SPTBN5: variants seen among roughly 807,000 people sequenced by gnomAD.
SPTBN5 encodes the protein spectrin beta, non-erythrocytic 5.
A neutral mutation model predicts 477.6 loss-of-function variants in SPTBN5; 513 were observed. That is an observed-to-expected ratio of 1.07 (90% CI 1.00 to 1.16). SPTBN5 has a LOEUF of 1.16. SPTBN5 is among the 50% of genes most tolerant of loss of function. The pLI, the probability that SPTBN5 is intolerant of heterozygous loss-of-function variation, is 0.00. For synonymous variants in SPTBN5, 2,169 were observed against 2,011.7 expected, an observed-to-expected ratio of 1.08 and a Z score of -2.09; for missense variants, 5,062 against 4,731.8, an observed-to-expected ratio of 1.07 and a Z score of -2.05.
At chr15:41,859,834 G>A (rs865942964) in intron 47 of SPTBN5, among the ~76,000 whole-genome samples, 7 of 152,210 alleles carry the variant, frequency 4.6e-5, no homozygotes, top group Non-Finnish European at 8.8e-5. Flanking sequence ...GGGGGTGGCC[G>A]CGACCACTGC....
Position 41,866,089 on chromosome 15 carries a change from G to A in SPTBN5, c.6771C>T (p.Phe2257=). The change falls in exon 38 of 68, where the codon TTC becomes TTT. Residue 2257 remains phenylalanine (F), a synonymous_variant. Transcript: ENST00000320955. ...RGQELEDRRN[F]LEFLQRVDLA... is the part of the protein sequence containing the mutation. Reference sequence around the variant, plus strand: ...GGTCCACTCTCTGCAGGAACTCCAGGAAGTTCCGCCTGTCCTCCAGCTCCT... The same window carrying A: ...GGTCCACTCTCTGCAGGAACTCCAGAAAGTTCCGCCTGTCCTCCAGCTCCT... The A allele has an allele frequency of 1.9e-6, 3 of 1,557,236 alleles. No individual in the cohort carries two copies. The highest frequency in any genetic ancestry group is 1.2e-5 in the South Asian group (1 of 84,414).
Position 41,876,852 on chromosome 15 carries a change from G to A in SPTBN5, c.3808C>T (p.His1270Tyr). ...LGPRAEALRAHGEKLVQSQHP... is the reference protein window; with the variant it reads ...LGPRAEALRAYGEKLVQSQHP... ...TGGCTCTGAACCAGCTTCTCGCCGT[G>A]TGCCCGCAGAGCCTCTGCCCGAGGC... Residue 1270 changes from histidine to tyrosine, a missense_variant, in exon 19 of 68, where the codon CAC (histidine) becomes TAC (tyrosine). Transcript: ENST00000320955. The A allele has an allele frequency of 6.2e-7, 1 of 1,610,524 alleles. No homozygotes were observed. The highest frequency in any genetic ancestry group is 2.2e-5 in the East Asian group (1 of 44,874).
chr15:41,886,437 C>T, intron 6 of SPTBN5, 71 bp from the exon 7 acceptor site: 12 of 1,471,938 alleles, frequency 8.2e-6, no homozygotes, highest in Non-Finnish European at 1.1e-5. Context: ...TGAGTGCCAG[C>T]CAGAGTTCCC....
rs1392472020 is a variant in SPTBN5, at chr15:41,857,662, G to A, written c.8275C>T (p.Gln2759Ter). ...QGGHPASEAI[Q>*]ERLEELGALW... ...GCTCCCAGCTCCTCCAGTCGCTCCTGGATGGCCTCCGAGGCTGGGTGGCCC... is the reference window on the plus strand; with the variant it reads ...GCTCCCAGCTCCTCCAGTCGCTCCTAGATGGCCTCCGAGGCTGGGTGGCCC... Residue 2759 changes from glutamine to a stop codon, truncating the protein, a stop_gained, in exon 50 of 68, where the codon CAG (glutamine) becomes TAG (stop). Coordinates refer to ENST00000320955, the MANE Select transcript of SPTBN5 (RefSeq NM_016642.4). LOFTEE classifies it high-confidence loss of function. 2 of 1,591,092 alleles carry A rather than the reference G, an allele frequency of 1.3e-6. No individual in the cohort carries two copies. Among genetic ancestry groups the A allele is most frequent in the Non-Finnish European group, 1.7e-6 (2 of 1,169,158 alleles).
At position 41,849,054 on chromosome 15, in the gene SPTBN5, C is replaced by T. The variant is rs976017519; in HGVS notation, c.11013-426G>A. Among the ~76,000 whole-genome samples, 6 of 152,212 alleles carry T rather than the reference C, an allele frequency of 3.9e-5. No homozygotes were observed. In the East Asian group the frequency reaches 7.7e-4, roughly 20 times the overall value. On this transcript the variant is annotated intron_variant, in intron 67 of 67. Transcript: ENST00000320955. ...GGCTGCCACCCCTCATGGTATGAGCCCTCCAGGCACACGGCTGTATATGCG... is the reference window on the plus strand; with the variant it reads ...GGCTGCCACCCCTCATGGTATGAGCTCTCCAGGCACACGGCTGTATATGCG...
At chr15:41,860,913 G>A (rs2066083693) in intron 46 of SPTBN5, among the ~76,000 whole-genome samples, 155 bp from the exon 47 acceptor site, 2 of 152,256 alleles carry the variant, frequency 1.3e-5, no homozygotes. Context: ...GCTGTTTCCA[G>A]CTTTAGGACA....
chr15:41,851,582 G>GGCGGC (rs1449514409), intron 63 of SPTBN5, among the ~76,000 whole-genome samples, 197 bp downstream of exon 63: 9 of 9,810 alleles, frequency 9.2e-4, no homozygotes, highest in South Asian at 5.4e-3. Flanking sequence ...AGCACCTCCT[G>GGCGGC]GTGGGGGTGG....
chr15:41,872,118 C>A (rs1466063200), intron 27 of SPTBN5, among the ~76,000 whole-genome samples, 184 bp downstream of exon 27: 2 of 152,230 alleles, frequency 1.3e-5, no homozygotes, highest in East Asian at 1.9e-4. Context: ...AGATGGACTG[C>A]AGGGAGTTGT....
rs1422781391 is a variant in SPTBN5, at chr15:41,882,290, C to T, written c.2226G>A (p.Gln742=). 7.6e-7 allele frequency: 1 copy of T among 1,311,316 alleles called. No homozygotes were observed. The highest frequency in any genetic ancestry group is 4.9e-5 in the East Asian group (1 of 20,254). 81.2% of individuals were successfully genotyped at this position (1,311,316 alleles called of 1,614,324 possible). ...TRVVGRGARL[Q]TALLVLQYFA... is the part of the protein sequence containing the mutation. ...CTACCTGCAGGACCAGCAGGGCTGTCTGCAGCCGTGCGCCCCGCCCCACCA... is the reference window on the plus strand; with the variant it reads ...CTACCTGCAGGACCAGCAGGGCTGTTTGCAGCCGTGCGCCCCGCCCCACCA... The change falls in exon 11 of 68, where the codon CAG becomes CAA. Residue 742 remains glutamine, a synonymous_variant. Coordinates refer to ENST00000320955, the MANE Select transcript of SPTBN5 (RefSeq NM_016642.4).
At chr15:41,871,971 C>G in intron 27 of SPTBN5, 54 bp from the exon 28 acceptor site, 1 of 1,464,954 alleles carries the variant, frequency 6.8e-7, no homozygotes, top group South Asian at 1.4e-5. Context: ...CCCCTGGGGG[C>G]CAGTCGGGCC....
At position 41,857,733 on chromosome 15, in the gene SPTBN5, A is replaced by G. The variant is rs370335333; in HGVS notation, c.8227-23T>C. ...CTCCTGCAGCCACAACATGAAACACACCTTGTGGACTCAGGACTGCTGGTA... is the reference window on the plus strand; with the variant it reads ...CTCCTGCAGCCACAACATGAAACACGCCTTGTGGACTCAGGACTGCTGGTA... On this transcript the variant is annotated intron_variant, in intron 49 of 67. Coordinates refer to ENST00000320955, the MANE Select transcript of SPTBN5 (RefSeq NM_016642.4). 113 of 1,547,148 alleles carry G rather than the reference A, an allele frequency of 7.3e-5. No individual in the cohort carries two copies. In the African/African-American group the frequency reaches 1.3e-3, roughly 18 times the overall value.
Position 41,870,129 on chromosome 15 carries a change from G to A in SPTBN5, c.5674-109C>T, listed in dbSNP as rs890593769. Reference sequence around the variant, plus strand: ...GCCCCCTTGGGCCACGTCCTGCCATGCACAGGAGGCCCATGGGAGGCCCTG... The same window carrying A: ...GCCCCCTTGGGCCACGTCCTGCCATACACAGGAGGCCCATGGGAGGCCCTG... On this transcript the variant is annotated intron_variant, in intron 31 of 67. Coordinates refer to ENST00000320955, the MANE Select transcript of SPTBN5 (RefSeq NM_016642.4). The A allele has an allele frequency of 1.1e-5, 16 of 1,451,272 alleles. No individual in the cohort carries two copies. In the Admixed American group the frequency reaches 3.8e-4, roughly 35 times the overall value. 89.9% of individuals were successfully genotyped at this position (1,451,272 alleles called of 1,614,324 possible). A position where few individuals can be genotyped will look rare whatever the true frequency, so the allele number is the denominator to read the frequency against.
chr15:41,881,441 A>AT (rs1256383844), intron 12 of SPTBN5, among the ~76,000 whole-genome samples: 1 of 152,132 alleles, frequency 6.6e-6, no homozygotes, highest in Non-Finnish European at 1.5e-5. Context: ...GATGGCTTTG[A>AT]TTTCCACATC....
Position 41,876,910 on chromosome 15 carries a change from G to C in SPTBN5, c.3750C>G (p.His1250Gln). The C allele has an allele frequency of 6.2e-7, 1 of 1,610,254 alleles. No homozygotes were observed. The highest frequency in any genetic ancestry group is 8.5e-7 in the Non-Finnish European group (1 of 1,179,580). The part of the protein sequence containing the change: ...VREALSLLQQ[H>Q]REFGRLLSTL... ...TGCTCAGGAGCCGCCCAAACTCCCG[G>C]TGCTGCTGCAGCAGGCTCAGGGCCT... The change falls in exon 19 of 68, where the codon CAC (histidine) becomes CAG (glutamine). Residue 1250 changes from histidine (H) to glutamine (Q), a missense_variant. By Grantham distance (24) the His-to-Gln change is conservative. Coordinates refer to ENST00000320955, the MANE Select transcript of SPTBN5 (RefSeq NM_016642.4).
chr15:41,859,239 AC>A (rs1445556429), intron 47 of SPTBN5, among the ~76,000 whole-genome samples: 1 of 151,646 alleles, frequency 6.6e-6, no homozygotes, highest in African/African-American at 2.4e-5. Context: ...GCTCACTGCA[AC>A]CTCCACCTCC....
In SPTBN5 at chr15:41,883,015, C is replaced by T; in HGVS notation, c.1873G>A (p.Val625Met). 1 of 1,547,700 alleles carries T rather than the reference C, an allele frequency of 6.5e-7. No individual in the cohort carries two copies. Among genetic ancestry groups the T allele is most frequent in the Non-Finnish European group, 8.7e-7 (1 of 1,150,010 alleles). Reference protein sequence around the residue: ...RTLAQLQQSLVALVRARRALL... With the variant: ...RTLAQLQQSLMALVRARRALL... The stretch of plus-strand genomic sequence containing the variant: ...TCTTACCGGGCCCTGACAAGAGCCA[C>T]CAGGCTCTGTTGGAGCTGGGCCAGT... Residue 625 changes from valine to methionine, a missense_variant, in exon 9 of 68, where the codon GTG becomes ATG. Val to Met is a conservative substitution (Grantham distance 21). Transcript: ENST00000320955.
chr15:41,855,513 C>T (rs760567519), intron 54 of SPTBN5, 36 bp downstream of exon 54: 3 of 1,601,972 alleles, frequency 1.9e-6, no homozygotes, highest in African/African-American at 2.7e-5. Context: ...GGGGGCTTCT[C>T]TCTGCTCCTT....
In SPTBN5 at chr15:41,871,393, T is replaced by C. The variant is rs2066529654; in HGVS notation, c.5429A>G (p.Gln1810Arg). ...CACTCACTGCAGATCCTGCTGCCTC[T>C]GACGGACCATGGGGCCAGCACTGTG... ...RGHSAGPMVR[Q>R]RQQDLQTAWS... Residue 1810 changes from glutamine to arginine, a missense_variant, in exon 29 of 68, where the codon CAG becomes CGG. By Grantham distance (43) the Gln-to-Arg change is conservative. Coordinates refer to ENST00000320955, the MANE Select transcript of SPTBN5 (RefSeq NM_016642.4). 6.8e-7 allele frequency: 1 copy of C among 1,470,426 alleles called. No homozygotes were observed. The highest frequency in any genetic ancestry group is 9.0e-7 in the Non-Finnish European group (1 of 1,107,732). The allele number at this position is 1,470,426 out of a possible 1,614,324, so 91.1% of individuals were successfully genotyped here. A position where few individuals can be genotyped will look rare whatever the true frequency, so the allele number is the denominator to read the frequency against.
Position 41,868,064 on chromosome 15 carries a change from C to T in SPTBN5, c.6207+5G>A. On this transcript the variant is annotated splice_donor_5th_base_variant and intron_variant, in intron 34 of 67. Transcript: ENST00000320955. ...AGCGGAGTGTGAGGGCGGGAGGGGA[C>T]CTGCCTCCTGGGCCGCGAGGATCTC... The T allele has an allele frequency of 3.8e-6, 6 of 1,597,670 alleles. No individual in the cohort carries two copies. Among genetic ancestry groups the T allele is most frequent in the Non-Finnish European group, 4.3e-6 (5 of 1,176,042 alleles).
Sources: allele counts gnomAD v4.1 joint callset (sites outside exome capture counted in the v4.1 genomes callset), GRCh38; gene constraint gnomAD v4.1.1; transcripts MANE v1.5; gene names NCBI Gene and HGNC (gene_info 2026-07-23, HGNC 2026-07-21).